The following GAREM2 variants were observed in gnomAD, a reference collection of about 807,000 sequenced individuals.
The protein encoded by GAREM2 is GRB2 associated regulator of MAPK1 subtype 2.
In GAREM2, 30 loss-of-function variants were observed where a neutral mutation model predicts 55.6. The ratio of observed to expected loss-of-function variants is 0.54; its 90% CI spans 0.40 to 0.73. The LOEUF (loss-of-function observed/expected upper bound fraction) is 0.73. Ranked by LOEUF, GAREM2 falls within the 30% of genes least tolerant of loss-of-function variation. The pLI is 0.00. For missense variants in GAREM2, 1,075 were observed against 1,257.7 expected (o/e 0.85, Z 2.20); for synonymous variants, 550 against 569.1 (o/e 0.97, Z 0.48).
At chr2:26,185,490 C>G (rs966247459) in intron 4 of GAREM2, among the ~76,000 whole-genome samples, 1 of 152,236 alleles carries the variant, frequency 6.6e-6, no homozygotes, top group Middle Eastern at 3.4e-3. Flanking sequence ...GACAGAGATG[C>G]GTGTAGGTCC....
rs1438208544 is a variant in GAREM2, at chr2:26,187,548, C to T, written c.1916C>T (p.Pro639Leu). 6.5e-7 allele frequency: 1 copy of T among 1,542,464 alleles called. No homozygotes were observed. The highest frequency in any genetic ancestry group is 2.5e-5 in the East Asian group (1 of 40,816). Residue 639 changes from proline to leucine, a missense_variant, in exon 6 of 6, where the codon CCC becomes CTC. Transcript: ENST00000401533. The stretch of plus-strand genomic sequence containing the variant: ...AACCCTTTTTCCGGGCCTGCCTACC[C>T]CTCAGGCCCTTCAGCGGCCTTGTCT... ...ALNPFSGPAYPSGPSAALSSG... is the reference protein window; with the variant it reads ...ALNPFSGPAYLSGPSAALSSG...
rs1040269036 is a variant in GAREM2 at position 26,179,115 on chromosome 2, G to T, written c.253+2631G>T. ...CCGGGTGGGGCTGAAGGCACTGCGG[G>T]GTGACTCGGTCTCCAGGCTGCGGCG... On this transcript the variant is annotated intron_variant, in intron 2 of 5. Coordinates refer to ENST00000401533, the MANE Select transcript of GAREM2 (RefSeq NM_001168241.2). The surrounding 1 kb of genome is among the most constrained non-coding windows in gnomAD (Gnocchi z 4.7). Among the ~76,000 whole-genome samples the T allele has an allele frequency of 2.6e-5, 4 of 152,194 alleles. No individual in the cohort carries two copies. The highest frequency in any genetic ancestry group is 6.5e-5 in the Admixed American group (1 of 15,294).
At chr2:26,186,841 G>T (rs1232057081) in intron 5 of GAREM2, among the ~76,000 whole-genome samples, 4 of 152,134 alleles carry the variant, frequency 2.6e-5, no homozygotes, top group Non-Finnish European at 5.9e-5. Context: ...CGGGCATTAC[G>T]GCACATGCCT....
downstream of GAREM2, chr2:26,191,353 A>C: frequency 1.9e-6 from 3 of 1,614,190 alleles, no homozygotes; most frequent in Non-Finnish European, 2.5e-6. Context: ...GAGCCGGTCC[A>C]CTATCTTCTG....
In GAREM2 at chr2:26,187,837, A is replaced by G; in HGVS notation, c.2205A>G (p.Ser735=). 5 of 1,438,004 alleles carry G rather than the reference A, an allele frequency of 3.5e-6. No individual in the cohort carries two copies. The highest frequency in any genetic ancestry group is 1.4e-5 in the African/African-American group (1 of 69,450). 89.1% of individuals were successfully genotyped at this position (1,438,004 alleles called of 1,614,324 possible). A position where few individuals can be genotyped will look rare whatever the true frequency, so the allele number is the denominator to read the frequency against. The change falls in exon 6 of 6, where the codon TCA becomes TCG. Residue 735 remains serine, a synonymous_variant. Coordinates refer to ENST00000401533, the MANE Select transcript of GAREM2 (RefSeq NM_001168241.2). The part of the protein sequence containing the change: ...VGTPGPGPRL[S]PLGPSKAFEP... Reference sequence around the variant, plus strand: ...CACCTGGGCCTGGACCCCGCCTTTCACCACTTGGCCCCTCCAAGGCCTTTG... The same window carrying G: ...CACCTGGGCCTGGACCCCGCCTTTCGCCACTTGGCCCCTCCAAGGCCTTTG...
In GAREM2 at chr2:26,188,964, T is replaced by G. The variant is rs1373643408; in HGVS notation, c.*707T>G. On this transcript the variant is annotated 3_prime_UTR_variant, in exon 6 of 6. Transcript: ENST00000401533. ...CTTATCTAGTTAGGAAGCCAGACAC[T>G]GCCCAGATGACTCTAGCACCCTGGC... is the stretch of plus-strand genomic sequence containing the variant. 6.6e-6 allele frequency: 1 copy of G among 152,282 alleles called. No individual in the cohort carries two copies. Among genetic ancestry groups the G allele is most frequent in the Admixed American group, 6.5e-5 (1 of 15,290 alleles). The allele number at this position is 152,282 out of a possible 1,614,324, so 9.4% of individuals were successfully genotyped here.
chr2:26,191,472 G>A, downstream of GAREM2: 1 of 1,614,156 alleles, frequency 6.2e-7, no homozygotes, highest in Non-Finnish European at 8.5e-7. Flanking sequence ...TTCCCAACCT[G>A]CGAGACCAAC....
At chr2:26,196,778 G>T in the GAREM2 span, among the ~76,000 whole-genome samples, 107 of 152,348 alleles carry the variant, frequency 7.0e-4, no homozygotes, top group Middle Eastern at 6.8e-3. Flanking sequence ...CAAATGAACA[G>T]CAACGGCATC....
intron 2 of GAREM2, among the ~76,000 whole-genome samples, chr2:26,178,390 A>G (rs1228069559): frequency 7.9e-6 from 1 of 126,748 alleles, no homozygotes; most frequent in South Asian, 2.8e-4. Context: ...AGCGAGAACA[A>G]ACAAAAACAA....
the GAREM2 span, chr2:26,195,180 A>G: frequency 6.2e-7 from 1 of 1,612,538 alleles, no homozygotes. Context: ...GGTCGTGATA[A>G]TCTCCAGCAG....
chr2:26,203,277 CA>C, the GAREM2 span, among the ~76,000 whole-genome samples: 2 of 152,140 alleles, frequency 1.3e-5, no homozygotes, highest in Admixed American at 1.3e-4. Flanking sequence ...ATTTAAGAAA[CA>C]AAAAAGCTCA....
At chr2:26,186,442 G>A (rs971939262) in intron 5 of GAREM2, 84 bp downstream of exon 5, 3 of 1,323,710 alleles carry the variant, frequency 2.3e-6, no homozygotes, top group South Asian at 1.3e-5. Context: ...CAGTGCTGAG[G>A]AAGAGGAAGT....
At chr2:26,184,194 G>C in intron 3 of GAREM2, 39 bp from the exon 4 acceptor site, 1 of 1,543,170 alleles carries the variant, frequency 6.5e-7, no homozygotes, top group Admixed American at 2.0e-5. Flanking sequence ...CTTTCCCTGG[G>C]ACCTGGCTAA....
At chr2:26,203,056 A>G in the GAREM2 span, among the ~76,000 whole-genome samples, 4 of 152,212 alleles carry the variant, frequency 2.6e-5, no homozygotes, top group Non-Finnish European at 4.4e-5. Context: ...ATGGTATGGA[A>G]TGCTGTTTGG....
Position 26,176,324 on chromosome 2 carries a change from GTCC to G in GAREM2, c.113-13_113-11del. 3 of 1,509,676 alleles carry G rather than the reference GTCC, an allele frequency of 2.0e-6. No individual in the cohort carries two copies. Among genetic ancestry groups the G allele is most frequent in the South Asian group, 1.3e-5 (1 of 78,906 alleles). The allele number at this position is 1,509,676 out of a possible 1,614,324, so 93.5% of individuals were successfully genotyped here. ...CCTGTCTTCCTTCCCCTCATCCTCT[GTCC>G]TCCTCCCCCTTCCCAGGGGAGTACG... is the stretch of plus-strand genomic sequence containing the variant. On this transcript the variant is annotated splice_polypyrimidine_tract_variant and intron_variant, in intron 1 of 5. Coordinates refer to ENST00000401533, the MANE Select transcript of GAREM2 (RefSeq NM_001168241.2).
At chr2:26,197,052 C>T in the GAREM2 span, among the ~76,000 whole-genome samples, 4 of 152,232 alleles carry the variant, frequency 2.6e-5, no homozygotes, top group African/African-American at 9.6e-5. Flanking sequence ...CTTTCAGCTG[C>T]TTAAAGTTCT....
rs138170492 is a variant in GAREM2, at chr2:26,182,747, G to C, written c.254-220G>C. On this transcript the variant is annotated intron_variant, in intron 2 of 5. Transcript: ENST00000401533. ...CAGGCTCTCTATGGGGGGAGGGCTGGGCTATAGTTGCTAGGGATCTGTGCT... is the reference window on the plus strand; with the variant it reads ...CAGGCTCTCTATGGGGGGAGGGCTGCGCTATAGTTGCTAGGGATCTGTGCT... Among the ~76,000 whole-genome samples the C allele has an allele frequency of 1.2e-4, 19 of 152,288 alleles. No individual in the cohort carries two copies. The East Asian group carries it at 2.9e-3, about 23-fold the overall frequency.
At chr2:26,198,684 A>T in the GAREM2 span, among the ~76,000 whole-genome samples, 1 of 151,996 alleles carries the variant, frequency 6.6e-6, no homozygotes, top group South Asian at 2.1e-4. Context: ...AAAGAAAAGA[A>T]CTGTATAGGT....
intron 5 of GAREM2, among the ~76,000 whole-genome samples, 170 bp from the exon 6 acceptor site, chr2:26,187,061 G>A (rs754020561): frequency 2.0e-5 from 3 of 152,242 alleles, no homozygotes; most frequent in African/African-American, 4.8e-5. Flanking sequence ...TGGGCTGGGG[G>A]ATGCTGGAAG....
Sources: gnomAD v4.1 joint callset for allele counts (sites outside exome capture counted in the v4.1 genomes callset) on GRCh38, gnomAD v4.1.1 for gene constraint, Gnocchi (gnomAD v3.1) non-coding constraint, MANE v1.5 for transcripts, NCBI Gene and HGNC (gene_info 2026-07-23, HGNC 2026-07-21) for gene names.